The following KDM7A variants were observed in gnomAD, a reference collection of about 807,000 sequenced individuals.
The protein encoded by KDM7A is lysine demethylase 7A.
KDM7A carries 28 observed loss-of-function variants against 114.8 expected under a neutral mutation model. The ratio of observed to expected loss-of-function variants is 0.24; its 90% CI spans 0.18 to 0.33. The LOEUF is 0.33. Among genes scored for constraint, KDM7A ranks in the 10% least tolerant of loss-of-function variants. KDM7A has a pLI of 1.00. For synonymous variants in KDM7A, 423 were observed against 397.8 expected, an observed-to-expected ratio of 1.06 and a Z score of -0.75; for missense variants, 942 against 1,142.5, an observed-to-expected ratio of 0.82 and a Z score of 2.53.
Position 140,161,564 on chromosome 7 carries a change from G to T in KDM7A, c.194+15180C>A, listed in dbSNP as rs182344990. ...TTTTTGTTTTTTTTTTCTACGGTGG[G>T]GGGGACGGAGTCTCGCTCTGTCACC... On this transcript the variant is annotated intron_variant, in intron 1 of 19. Coordinates refer to ENST00000397560, the MANE Select transcript of KDM7A (RefSeq NM_030647.2). Among the ~76,000 whole-genome samples the T allele has an allele frequency of 4.5e-3, 683 of 151,356 alleles. 8 individuals are homozygous for T. Among genetic ancestry groups the T allele is most frequent in the African/African-American group, 0.015 (627 of 41,208 alleles).
intron 9 of KDM7A, among the ~76,000 whole-genome samples, chr7:140,114,245 C>G (rs902323079): frequency 8.5e-5 from 13 of 152,156 alleles, no homozygotes. Flanking sequence ...CTGCCGCCAT[C>G]TCGGCTCACT....
At chr7:140,170,079 TG>T (rs756614651) in intron 1 of KDM7A, among the ~76,000 whole-genome samples, 1 of 152,216 alleles carries the variant, frequency 6.6e-6, no homozygotes, top group Non-Finnish European at 1.5e-5. Flanking sequence ...AATAAGTTTA[TG>T]ACACCAATCA....
At chr7:140,121,075 C>T (rs1462091893) in intron 7 of KDM7A, among the ~76,000 whole-genome samples, 3 of 152,022 alleles carry the variant, frequency 2.0e-5, no homozygotes, top group Non-Finnish European at 2.9e-5. Flanking sequence ...ATCAGTGCCC[C>T]GAAAGGACTA....
At chr7:140,091,697 T>C in intron 19 of KDM7A, 107 bp downstream of exon 19, 1 of 1,197,004 alleles carries the variant, frequency 8.4e-7, no homozygotes, top group Non-Finnish European at 1.2e-6. Context: ...CTGTCTACTA[T>C]GCATGAGATG....
At chr7:140,150,806 T>A (rs1237844289) in intron 1 of KDM7A, among the ~76,000 whole-genome samples, 3 of 151,310 alleles carry the variant, frequency 2.0e-5, no homozygotes, top group Non-Finnish European at 4.4e-5. Flanking sequence ...AGTTAATGAG[T>A]GTGGCCCAAT....
chr7:140,097,442 A>G (rs768988735), intron 15 of KDM7A, 103 bp downstream of exon 15: 3 of 660,102 alleles, frequency 4.5e-6, no homozygotes, highest in Non-Finnish European at 8.1e-6. Context: ...AGTCAGACAG[A>G]CAAGCTTTGA....
At chr7:140,096,794 GTC>G in intron 16 of KDM7A, 31 bp from the exon 17 acceptor site, 1 of 1,599,346 alleles carries the variant, frequency 6.3e-7, no homozygotes, top group Non-Finnish European at 8.5e-7. Flanking sequence ...AAACACAAGA[GTC>G]TATTTTTTCT....
At chr7:140,158,081 C>A (rs750028687) in intron 1 of KDM7A, among the ~76,000 whole-genome samples, 1 of 151,878 alleles carries the variant, frequency 6.6e-6, no homozygotes, top group Non-Finnish European at 1.5e-5. Context: ...ATTAAAATAT[C>A]TTAGCAATCT....
At chr7:140,103,305 CCTTT>C (rs1818264314) in intron 11 of KDM7A, among the ~76,000 whole-genome samples, 1 of 139,174 alleles carries the variant, frequency 7.2e-6, no homozygotes, top group African/African-American at 2.6e-5. Context: ...GTCAGCATTT[CCTTT>C]TTTTTTTTAT....
chr7:140,090,786 C>T lies in KDM7A; in HGVS notation c.*308G>A, dbSNP rs1384584202. 3.2e-6 allele frequency: 1 copy of T among 316,044 alleles called. No individual in the cohort carries two copies. The highest frequency in any genetic ancestry group is 5.7e-6 in the Non-Finnish European group (1 of 174,368). The allele number at this position is 316,044 out of a possible 1,614,324, so 19.6% of individuals were successfully genotyped here. A position where few individuals can be genotyped will look rare whatever the true frequency, so the allele number is the denominator to read the frequency against. On this transcript the variant is annotated 3_prime_UTR_variant, in exon 20 of 20. Transcript: ENST00000397560. ...AAATTATTGATAATTCTTTACCCTA[C>T]CACTGAAAATACATCAAGACACTAC...
At chr7:140,133,047 C>G (rs1286695083) in intron 3 of KDM7A, among the ~76,000 whole-genome samples, 2 of 152,100 alleles carry the variant, frequency 1.3e-5, no homozygotes, top group Non-Finnish European at 2.9e-5. Flanking sequence ...CAAATATATT[C>G]CATTATTTTT....
rs1350762908 is a variant in KDM7A at position 140,126,793 on chromosome 7, T to C, written c.732A>G (p.Ile244Met). 1 of 1,613,984 alleles carries C rather than the reference T, an allele frequency of 6.2e-7. No individual in the cohort carries two copies. Among genetic ancestry groups the C allele is most frequent in the Admixed American group, 1.7e-5 (1 of 59,994 alleles). The change falls in exon 6 of 20, where the codon ATA becomes ATG. Residue 244 changes from isoleucine to methionine, a missense_variant. This residue lies in a region of KDM7A where 318 missense variants were observed against 453.1 expected (regional missense o/e 0.70). Transcript: ENST00000397560. ...KMSELVEVPD[I>M]AKKLSWVENY... is the part of the protein sequence containing the mutation. ...TTTCCACCCAGGAAAGTTTTTTGGC[T>C]ATATCAGGGACCTCCACCAATTCAG...
At chr7:140,106,197 T>C (rs1818336194) in intron 11 of KDM7A, among the ~76,000 whole-genome samples, 1 of 152,244 alleles carries the variant, frequency 6.6e-6, no homozygotes, top group Admixed American at 6.5e-5. Context: ...TTAGTCTTGC[T>C]AGCAGTCTAT....
intron 1 of KDM7A, among the ~76,000 whole-genome samples, chr7:140,148,315 G>C (rs1172034710): frequency 1.3e-5 from 2 of 152,026 alleles, no homozygotes; most frequent in Non-Finnish European, 2.9e-5. Flanking sequence ...CAGTCTGCCT[G>C]TGTTAGAATC....
intron 1 of KDM7A, among the ~76,000 whole-genome samples, chr7:140,175,910 G>C (rs950407145): frequency 6.6e-6 from 1 of 152,128 alleles, no homozygotes. Context: ...GCCGCGGCGC[G>C]AGGGCAACGC....
At chr7:140,113,343 G>A in intron 10 of KDM7A, 148 bp downstream of exon 10, 1 of 470,436 alleles carries the variant, frequency 2.1e-6, no homozygotes, top group Non-Finnish European at 3.8e-6. Context: ...TGTATATACT[G>A]AATAATAAAA....
At chr7:140,091,716 C>G in intron 19 of KDM7A, 88 bp downstream of exon 19, 1 of 1,421,170 alleles carries the variant, frequency 7.0e-7, no homozygotes, top group Non-Finnish European at 9.8e-7. Flanking sequence ...TGTTGAACAA[C>G]TTGAGTGCAG....
intron 18 of KDM7A, among the ~76,000 whole-genome samples, chr7:140,093,137 T>A (rs569111831): frequency 2.2e-4 from 33 of 152,272 alleles, no homozygotes; most frequent in South Asian, 6.2e-4. Flanking sequence ...TATTTAGGGG[T>A]AGAGTCTTTT....
At chr7:140,148,687 C>A (rs1338839937) in intron 1 of KDM7A, among the ~76,000 whole-genome samples, 1 of 152,114 alleles carries the variant, frequency 6.6e-6, no homozygotes, top group Admixed American at 6.5e-5. Context: ...CACTTTATTA[C>A]CAGATATCAG....
Sources: allele counts gnomAD v4.1 joint callset (sites outside exome capture counted in the v4.1 genomes callset), GRCh38; gene constraint gnomAD v4.1.1; regional missense constraint gnomAD v4.1.1; transcripts MANE v1.5; gene names NCBI Gene and HGNC (gene_info 2026-07-23, HGNC 2026-07-21).